KCNH5: variants seen among roughly 807,000 people sequenced by gnomAD.
KCNH5 encodes the protein voltage-gated delayed rectifier potassium channel KCNH5.
Under a neutral mutation model 96.1 loss-of-function variants are expected in KCNH5, and 46 were observed. The ratio of observed to expected loss-of-function variants is 0.48; its 90% CI spans 0.38 to 0.61. The LOEUF is 0.61. Ranked by LOEUF, KCNH5 falls within the 20% of genes least tolerant of loss-of-function variation. KCNH5 has a pLI of 0.00. For missense variants in KCNH5, 907 were observed against 1,225.8 expected, an observed-to-expected ratio of 0.74 and a Z score of 3.88; for synonymous variants, 439 against 449.8, an observed-to-expected ratio of 0.98 and a Z score of 0.30.
In KCNH5 at chr14:62,981,243, T is replaced by C; in HGVS notation, c.571A>G (p.Ile191Val). 1 of 1,614,116 alleles carries C rather than the reference T, an allele frequency of 6.2e-7. No individual in the cohort carries two copies. The highest frequency in any genetic ancestry group is 1.7e-5 in the Admixed American group (1 of 60,020). Residue 191 changes from isoleucine to valine, a missense_variant, in exon 6 of 11, where the codon ATC becomes GTC. This residue lies in a region of KCNH5 where 370 missense variants were observed against 561.3 expected (regional missense o/e 0.66). Coordinates refer to ENST00000322893, the MANE Select transcript of KCNH5 (RefSeq NM_139318.5). ...GCTTCTTGTTTATACTGAGGAAGGA[T>C]ATCTGATCCCAGCTGAAGAACCTAA... ...LAEVLQLGSD[I>V]LPQYKQEAPK...
intron 8 of KCNH5, among the ~76,000 whole-genome samples, chr14:62,841,912 C>T (rs1887593506): frequency 6.6e-6 from 1 of 152,198 alleles, no homozygotes; most frequent in Non-Finnish European, 1.5e-5. Context: ...GTAAACAATC[C>T]TACCTTCTCA....
intron 4 of KCNH5, among the ~76,000 whole-genome samples, chr14:62,987,717 A>G (rs1264738774): frequency 6.6e-6 from 1 of 152,192 alleles, no homozygotes; most frequent in Non-Finnish European, 1.5e-5. Flanking sequence ...ACTGTGTGGG[A>G]AAATGCCATA....
chr14:62,750,978 G>C (rs1434753086), intron 10 of KCNH5, among the ~76,000 whole-genome samples: 1 of 151,916 alleles, frequency 6.6e-6, no homozygotes, highest in African/African-American at 2.4e-5. Context: ...CCAGACGGCT[G>C]GAGTAAACTT....
chr14:63,000,880 G>C (rs374980245), intron 4 of KCNH5, among the ~76,000 whole-genome samples: 2 of 152,142 alleles, frequency 1.3e-5, no homozygotes, highest in South Asian at 2.1e-4. Context: ...TTTGAAACCA[G>C]CCTGGGCAAC....
chr14:62,767,927 C>T (rs1357785173), intron 10 of KCNH5, among the ~76,000 whole-genome samples: 2 of 152,034 alleles, frequency 1.3e-5, no homozygotes, highest in South Asian at 2.1e-4. Flanking sequence ...GAACTGGAGG[C>T]CATTATCTTA....
chr14:62,866,498 T>C (rs575073576), intron 7 of KCNH5, among the ~76,000 whole-genome samples: 100 of 152,286 alleles, frequency 6.6e-4, no homozygotes, highest in African/African-American at 2.3e-3. Context: ...AATAAAGCCA[T>C]ATCAAGTTCA....
chr14:62,986,355 G>A (rs758197900), intron 5 of KCNH5, among the ~76,000 whole-genome samples: 3 of 152,096 alleles, frequency 2.0e-5, no homozygotes, highest in Admixed American at 2.0e-4. Flanking sequence ...TCATTTTCCT[G>A]GCACATGAGA....
chr14:62,893,811 C>T (rs1021180788), intron 7 of KCNH5, among the ~76,000 whole-genome samples: 2 of 152,070 alleles, frequency 1.3e-5, no homozygotes, highest in African/African-American at 2.4e-5. Flanking sequence ...AAAGAAATGA[C>T]TCTAGTTTTG....
chr14:62,866,140 G>A (rs1469970865), intron 7 of KCNH5, among the ~76,000 whole-genome samples: 1 of 152,110 alleles, frequency 6.6e-6, no homozygotes, highest in Non-Finnish European at 1.5e-5. Context: ...CCTATAGAAT[G>A]TTTCTATCTT....
intron 1 of KCNH5, among the ~76,000 whole-genome samples, chr14:63,035,337 G>C (rs1323450234): frequency 6.6e-6 from 1 of 152,170 alleles, no homozygotes; most frequent in Non-Finnish European, 1.5e-5. Flanking sequence ...GGTCCAACCT[G>C]CACACATGAT....
Position 62,802,380 on chromosome 14 carries a change from C to A in KCNH5, c.1771G>T (p.Val591Leu). ...TGGATGACTTCCAAGGATCCTGACA[C>A]CACAAAGCAGAGGGCATCCACACTT... Reference protein sequence around the residue: ...GESVDALCFVVSGSLEVIQDD... With the variant: ...GESVDALCFVLSGSLEVIQDD... The change falls in exon 9 of 11, where the codon GTG becomes TTG. Residue 591 changes from valine to leucine, a missense_variant. This residue lies in a region of KCNH5 where 20 missense variants were observed against 57.9 expected (regional missense o/e 0.35). Coordinates refer to ENST00000322893, the MANE Select transcript of KCNH5 (RefSeq NM_139318.5). 1 of 1,614,146 alleles carries A rather than the reference C, an allele frequency of 6.2e-7. No individual in the cohort carries two copies. Among genetic ancestry groups the A allele is most frequent in the Non-Finnish European group, 8.5e-7 (1 of 1,179,998 alleles).
chr14:62,961,922 GAGATGGAGATGC>G (rs958554338), intron 6 of KCNH5, among the ~76,000 whole-genome samples: 34 of 151,768 alleles, frequency 2.2e-4, no homozygotes, highest in Admixed American at 3.9e-4. Flanking sequence ...GATGGAGATG[GAGATGGAGATGC>G]AGATGGAGAT....
At chr14:62,890,194 C>A (rs1888677391) in intron 7 of KCNH5, among the ~76,000 whole-genome samples, 1 of 152,132 alleles carries the variant, frequency 6.6e-6, no homozygotes, top group South Asian at 2.1e-4. Flanking sequence ...GACAAAGACA[C>A]CAAAAGCAAT....
At chr14:62,891,303 G>A (rs969995019) in intron 7 of KCNH5, among the ~76,000 whole-genome samples, 1 of 152,170 alleles carries the variant, frequency 6.6e-6, no homozygotes, top group African/African-American at 2.4e-5. Flanking sequence ...ACTAACATAG[G>A]AACAGATAAC....
At chr14:62,753,818 A>T (rs1455936330) in intron 10 of KCNH5, among the ~76,000 whole-genome samples, 1 of 152,216 alleles carries the variant, frequency 6.6e-6, no homozygotes, top group Non-Finnish European at 1.5e-5. Flanking sequence ...CATAAATACC[A>T]TATCTGTCCT....
At chr14:62,865,940 T>C (rs1888126696) in intron 7 of KCNH5, among the ~76,000 whole-genome samples, 2 of 152,178 alleles carry the variant, frequency 1.3e-5, no homozygotes, top group South Asian at 4.1e-4. Context: ...GATTGGATCT[T>C]TTAAAGAGCA....
At chr14:62,856,322 C>T (rs1021737948) in intron 7 of KCNH5, among the ~76,000 whole-genome samples, 8 of 152,110 alleles carry the variant, frequency 5.3e-5, no homozygotes, top group Admixed American at 1.3e-4. Flanking sequence ...ATATTTTGTG[C>T]CCCTCCATAA....
chr14:62,879,877 T>C (rs1293014965), intron 7 of KCNH5, among the ~76,000 whole-genome samples: 3 of 152,174 alleles, frequency 2.0e-5, no homozygotes, highest in Admixed American at 6.5e-5. Context: ...ATGTCATCCA[T>C]GTCTTCTAAT....
chr14:62,873,947 C>A (rs1343163981), intron 7 of KCNH5, among the ~76,000 whole-genome samples: 5 of 152,242 alleles, frequency 3.3e-5, no homozygotes, highest in Admixed American at 1.3e-4. Context: ...AACATGACAT[C>A]ATATTTTCGG....
Sources: allele counts gnomAD v4.1 joint callset (sites outside exome capture counted in the v4.1 genomes callset), GRCh38; gene constraint gnomAD v4.1.1; regional missense constraint gnomAD v4.1.1; transcripts MANE v1.5; gene names NCBI Gene and HGNC (gene_info 2026-07-23, HGNC 2026-07-21).